NKAIN2: variants seen among roughly 807,000 people sequenced by gnomAD.
The protein encoded by NKAIN2 is sodium/potassium transporting ATPase interacting 2, also known as sodium/potassium-transporting ATPase subunit beta-1-interacting protein 2.
A neutral mutation model predicts 32.6 loss-of-function variants in NKAIN2; 14 were observed. That is an observed-to-expected ratio of 0.43 (90% CI 0.28 to 0.67). The LOEUF (loss-of-function observed/expected upper bound fraction) is 0.67, where lower values mean the gene tolerates loss of function less well. Ranked by LOEUF, NKAIN2 falls within the 30% of genes least tolerant of loss-of-function variation. NKAIN2 has a pLI of 0.17. For missense variants in NKAIN2, 198 were observed against 258.3 expected (o/e 0.77, Z 1.60); for synonymous variants, 80 against 87.2 (o/e 0.92, Z 0.46).
intron 4 of NKAIN2, among the ~76,000 whole-genome samples, chr6:124,679,625 G>A (rs933474295): frequency 6.6e-6 from 1 of 152,118 alleles, no homozygotes; most frequent in Middle Eastern, 3.2e-3. Context: ...CCATGTGTTA[G>A]TCATTTTCTC....
At chr6:124,118,382 A>C (rs1785719126) in intron 1 of NKAIN2, among the ~76,000 whole-genome samples, 1 of 152,200 alleles carries the variant, frequency 6.6e-6, no homozygotes, top group Non-Finnish European at 1.5e-5. Context: ...TGTAAATTGG[A>C]ATATTGCAAG....
chr6:124,670,697 T>C (rs1304669420), intron 4 of NKAIN2, among the ~76,000 whole-genome samples: 1 of 142,914 alleles, frequency 7.0e-6, no homozygotes, highest in Non-Finnish European at 1.5e-5. Flanking sequence ...ATAGATTTTT[T>C]CTTTTATATC....
chr6:124,350,311 C>A (rs540692269), intron 2 of NKAIN2, among the ~76,000 whole-genome samples: 1 of 151,348 alleles, frequency 6.6e-6, no homozygotes, highest in Non-Finnish European at 1.5e-5. Flanking sequence ...AATCATAGGC[C>A]GAATTACAAG....
chr6:124,070,499 C>T (rs1783403923), intron 1 of NKAIN2, among the ~76,000 whole-genome samples: 1 of 152,164 alleles, frequency 6.6e-6, no homozygotes, highest in Non-Finnish European at 1.5e-5. Context: ...CCTAAACTGG[C>T]ACTGGCAATA....
intron 4 of NKAIN2, among the ~76,000 whole-genome samples, chr6:124,749,255 A>C (rs1244082618): frequency 6.6e-6 from 1 of 151,882 alleles, no homozygotes; most frequent in Non-Finnish European, 1.5e-5. Flanking sequence ...CAAGCTGGGA[A>C]AGCGTCTCTG....
At chr6:124,012,995 G>T (rs1045167249) in intron 1 of NKAIN2, among the ~76,000 whole-genome samples, 2 of 152,106 alleles carry the variant, frequency 1.3e-5, no homozygotes, top group African/African-American at 4.8e-5. Context: ...GCCAACATTT[G>T]ATATGCTCAG....
At chr6:124,092,535 A>C (rs2114930882) in intron 1 of NKAIN2, among the ~76,000 whole-genome samples, 1 of 152,162 alleles carries the variant, frequency 6.6e-6, no homozygotes, top group Admixed American at 6.6e-5. Flanking sequence ...ACTAGATGTT[A>C]GATTTTTGTA....
intron 1 of NKAIN2, among the ~76,000 whole-genome samples, chr6:123,981,050 G>T (rs753704663): frequency 6.6e-6 from 1 of 151,956 alleles, no homozygotes; most frequent in Non-Finnish European, 1.5e-5. Flanking sequence ...TTGTATTTTA[G>T]TAGAGACGGG....
At chr6:124,006,467 A>C (rs1461964289) in intron 1 of NKAIN2, among the ~76,000 whole-genome samples, 1 of 152,236 alleles carries the variant, frequency 6.6e-6, no homozygotes, top group Non-Finnish European at 1.5e-5. Context: ...ATAGAAACAC[A>C]CCTCAAATCT....
chr6:124,083,436 T>C (rs1272007456), intron 1 of NKAIN2, among the ~76,000 whole-genome samples: 2 of 151,954 alleles, frequency 1.3e-5, no homozygotes, highest in East Asian at 1.9e-4. Context: ...TATATGGCAA[T>C]TGTTTTTCTT....
intron 1 of NKAIN2, among the ~76,000 whole-genome samples, chr6:123,867,480 C>T (rs1339869679): frequency 6.6e-6 from 1 of 152,156 alleles, no homozygotes; most frequent in Non-Finnish European, 1.5e-5. Context: ...TATAGTTCTC[C>T]TCTTTGTTTC....
rs190661152 is a variant in NKAIN2, at chr6:124,446,051, G to A, written c.273+90704G>A. ...ATTCTTTACTTATTTGCAGAACAACGGCAGAACATTGGTCTTGTTGGCTGT... is the reference window on the plus strand; with the variant it reads ...ATTCTTTACTTATTTGCAGAACAACAGCAGAACATTGGTCTTGTTGGCTGT... On this transcript the variant is annotated intron_variant, in intron 3 of 6. Transcript: ENST00000368417. Among the ~76,000 whole-genome samples the A allele has an allele frequency of 9.2e-5, 14 of 152,172 alleles. No individual in the cohort carries two copies. In the East Asian group the frequency reaches 2.1e-3, roughly 23 times the overall value.
chr6:123,835,813 C>T (rs1006631092), intron 1 of NKAIN2, among the ~76,000 whole-genome samples: 5 of 152,134 alleles, frequency 3.3e-5, no homozygotes, highest in South Asian at 2.1e-4. Context: ...TCTGTCCACA[C>T]TACTTAGTGT....
intron 1 of NKAIN2, among the ~76,000 whole-genome samples, chr6:124,225,193 T>C (rs192288028): frequency 5.9e-5 from 9 of 152,212 alleles, no homozygotes; most frequent in Admixed American, 2.0e-4. Flanking sequence ...ATAAATTTTC[T>C]CTTAATTAAT....
At chr6:124,801,127 G>T (rs1780237669) in intron 5 of NKAIN2, among the ~76,000 whole-genome samples, 1 of 152,050 alleles carries the variant, frequency 6.6e-6, no homozygotes, top group Non-Finnish European at 1.5e-5. Flanking sequence ...TCATCATTCT[G>T]TTTTCCCATT....
intron 4 of NKAIN2, among the ~76,000 whole-genome samples, chr6:124,760,651 A>G (rs1252370956): frequency 6.6e-6 from 1 of 151,962 alleles, no homozygotes; most frequent in African/African-American, 2.4e-5. Context: ...GCAGTTAATA[A>G]GTGTCCCTTT....
At chr6:124,714,267 T>C (rs767056295) in intron 4 of NKAIN2, among the ~76,000 whole-genome samples, 3 of 152,218 alleles carry the variant, frequency 2.0e-5, no homozygotes, top group Non-Finnish European at 4.4e-5. Flanking sequence ...AATACAGCCA[T>C]AAAGCACAGT....
chr6:124,530,091 A>G (rs1279124886), intron 3 of NKAIN2, among the ~76,000 whole-genome samples: 1 of 152,212 alleles, frequency 6.6e-6, no homozygotes, highest in Non-Finnish European at 1.5e-5. Context: ...TAGGATATAC[A>G]CAGTTGACCC....
At chr6:124,755,296 C>A (rs1562365146) in intron 4 of NKAIN2, among the ~76,000 whole-genome samples, 1 of 152,148 alleles carries the variant, frequency 6.6e-6, no homozygotes, top group Non-Finnish European at 1.5e-5. Flanking sequence ...CTTATCCCAC[C>A]TTCTTCCACC....
Sources: gnomAD v4.1 joint callset for allele counts (sites outside exome capture counted in the v4.1 genomes callset) on GRCh38, gnomAD v4.1.1 for gene constraint, MANE v1.5 for transcripts, NCBI Gene and HGNC (gene_info 2026-07-23, HGNC 2026-07-21) for gene names.